CCDC73: variants seen among roughly 807,000 people sequenced by gnomAD.
CCDC73 encodes coiled-coil domain-containing protein 73.
Under a neutral mutation model 116.5 loss-of-function variants are expected in CCDC73, and 95 were observed. The ratio of observed to expected loss-of-function variants is 0.82; its 90% CI spans 0.69 to 0.97. The LOEUF is 0.97. CCDC73 is among the 50% of genes least tolerant of loss of function. The pLI, the probability that CCDC73 is intolerant of heterozygous loss-of-function variation, is 0.00. For synonymous variants in CCDC73, 398 were observed against 401.3 expected, an observed-to-expected ratio of 0.99 and a Z score of 0.10; for missense variants, 1,066 against 1,206.8, an observed-to-expected ratio of 0.88 and a Z score of 1.73.
chr11:32,776,981 ATACACATG>A, intron 1 of CCDC73, among the ~76,000 whole-genome samples: 1 of 93,670 alleles, frequency 1.1e-5, no homozygotes, highest in African/African-American at 4.2e-5. Context: ...ACATATATAT[ATACACATG>A]TATATATATA....
chr11:32,703,376 T>G (rs933166509), intron 3 of CCDC73, among the ~76,000 whole-genome samples: 2 of 152,084 alleles, frequency 1.3e-5, no homozygotes, highest in South Asian at 2.1e-4. Context: ...CATGAGCCAC[T>G]GTACCCAGCC....
intron 9 of CCDC73, among the ~76,000 whole-genome samples, chr11:32,655,757 A>G (rs1855865646): frequency 6.6e-6 from 1 of 152,010 alleles, no homozygotes; most frequent in Non-Finnish European, 1.5e-5. Context: ...GAAGAATGAC[A>G]TAACAAAATT....
intron 1 of CCDC73, among the ~76,000 whole-genome samples, chr11:32,762,932 C>T (rs531780630): frequency 3.3e-5 from 5 of 152,266 alleles, no homozygotes; most frequent in Admixed American, 2.6e-4. Context: ...TCCTAGCAAA[C>T]GGCACACCAG....
chr11:32,821,184 A>T, the CCDC73 span, among the ~76,000 whole-genome samples: 1 of 152,182 alleles, frequency 6.6e-6, no homozygotes, highest in South Asian at 2.1e-4. Context: ...TTATGGGGTC[A>T]CTTTTTCATT....
At chr11:32,700,682 C>A in intron 5 of CCDC73, 109 bp downstream of exon 5, 1 of 538,316 alleles carries the variant, frequency 1.9e-6, no homozygotes, top group Non-Finnish European at 3.3e-6. Context: ...ATGCTCTTTT[C>A]TCTTATGGTA....
chr11:32,762,975 C>T (rs1187184027), intron 1 of CCDC73, among the ~76,000 whole-genome samples: 3 of 152,198 alleles, frequency 2.0e-5, no homozygotes, highest in African/African-American at 7.2e-5. Context: ...TCGGAGGGTC[C>T]CACACCCATG....
At chr11:32,701,280 A>G (rs937458550) in intron 4 of CCDC73, among the ~76,000 whole-genome samples, 12 of 152,326 alleles carry the variant, frequency 7.9e-5, no homozygotes, top group Non-Finnish European at 1.0e-4. Context: ...ATCACAGCTT[A>G]TATCATTTTC....
At chr11:32,680,887 T>C (rs1253195438) in intron 7 of CCDC73, 1 of 152,038 alleles carries the variant, frequency 6.6e-6, no homozygotes, top group Non-Finnish European at 1.5e-5. Context: ...CAAAAATCTA[T>C]GGCATCTTTC....
chr11:32,611,867 T>G (rs1460747771), intron 16 of CCDC73, among the ~76,000 whole-genome samples: 2 of 152,190 alleles, frequency 1.3e-5, no homozygotes, highest in African/African-American at 4.8e-5. Flanking sequence ...TATCACCCTT[T>G]GTATCTTATA....
At chr11:32,624,920 C>T (rs384229) in intron 14 of CCDC73, among the ~76,000 whole-genome samples, 1 of 152,130 alleles carries the variant, frequency 6.6e-6, no homozygotes, top group Middle Eastern at 3.4e-3. Flanking sequence ...TCTGAGCAAA[C>T]TGTCACAAGG....
chr11:32,652,763 T>C (rs1373374060), intron 12 of CCDC73, among the ~76,000 whole-genome samples: 1 of 152,170 alleles, frequency 6.6e-6, no homozygotes, highest in Non-Finnish European at 1.5e-5. Flanking sequence ...GCTGGCTGAA[T>C]GCTCTCTTAA....
At chr11:32,712,223 T>C (rs533146102) in intron 3 of CCDC73, among the ~76,000 whole-genome samples, 3 of 152,148 alleles carry the variant, frequency 2.0e-5, no homozygotes, top group South Asian at 4.2e-4. Context: ...GTCAAACTTA[T>C]ACAAGTTGAG....
At chr11:32,663,157 T>C (rs1292677381) in intron 9 of CCDC73, among the ~76,000 whole-genome samples, 1 of 152,200 alleles carries the variant, frequency 6.6e-6, no homozygotes, top group Non-Finnish European at 1.5e-5. Context: ...CTTAGGATTG[T>C]CTTGGCAATG....
At chr11:32,726,042 T>C (rs1272746945) in intron 2 of CCDC73, among the ~76,000 whole-genome samples, 3 of 152,198 alleles carry the variant, frequency 2.0e-5, no homozygotes, top group Non-Finnish European at 4.4e-5. Context: ...AATCTCTGAC[T>C]AGTAACATAA....
upstream of CCDC73, among the ~76,000 whole-genome samples, chr11:32,795,183 G>C (rs576150479): frequency 6.6e-6 from 1 of 152,150 alleles, no homozygotes; most frequent in South Asian, 2.1e-4. Context: ...AATGTTAGCC[G>C]GGTGTGAGGG....
At chr11:32,612,930 T>C (rs1855435103) in intron 16 of CCDC73, among the ~76,000 whole-genome samples, 1 of 152,228 alleles carries the variant, frequency 6.6e-6, no homozygotes, top group African/African-American at 2.4e-5. Flanking sequence ...ACAATCTCTC[T>C]ATTCTCTTTA....
intron 2 of CCDC73, among the ~76,000 whole-genome samples, chr11:32,725,754 C>T (rs1344455070): frequency 6.6e-6 from 1 of 152,112 alleles, no homozygotes; most frequent in Non-Finnish European, 1.5e-5. Context: ...TGCAAAAAGA[C>T]TGATGATGTA....
chr11:32,645,793 G>A (rs1855773903), intron 12 of CCDC73, among the ~76,000 whole-genome samples: 1 of 152,104 alleles, frequency 6.6e-6, no homozygotes, highest in South Asian at 2.1e-4. Flanking sequence ...GTTGTGCTAT[G>A]ACAATATGAT....
chr11:32,829,658 G>A, the CCDC73 span: 1 of 695,568 alleles, frequency 1.4e-6, no homozygotes, highest in Non-Finnish European at 1.8e-6. Flanking sequence ...TTAAGACTGA[G>A]AACCGAAATG....
Sources: gnomAD v4.1 joint callset for allele counts (sites outside exome capture counted in the v4.1 genomes callset) on GRCh38, gnomAD v4.1.1 for gene constraint, MANE v1.5 for transcripts, NCBI Gene and HGNC (gene_info 2026-07-23, HGNC 2026-07-21) for gene names.